DTNB: variants seen among roughly 807,000 people sequenced by gnomAD.
DTNB encodes the protein DTN-B.
In DTNB, 63 loss-of-function variants were observed where a neutral mutation model predicts 90.7. The observed-to-expected ratio is 0.69, with a 90% confidence interval of 0.57 to 0.86. The LOEUF is 0.86. Ranked by LOEUF, DTNB falls within the 40% of genes least tolerant of loss-of-function variation. The pLI, the probability that DTNB is intolerant of heterozygous loss-of-function variation, is 0.00. For missense variants in DTNB, 744 were observed against 807.1 expected (o/e 0.92, Z 0.95); for synonymous variants, 277 against 286.7 (o/e 0.97, Z 0.34).
intron 3 of DTNB, among the ~76,000 whole-genome samples, chr2:25,636,523 G>A (rs1462682663): frequency 6.6e-6 from 1 of 152,110 alleles, no homozygotes; most frequent in Admixed American, 6.5e-5. Context: ...TTGTTCTAAG[G>A]CAGTGGTTTT....
At chr2:25,627,903 A>AG (rs2074651788) in intron 4 of DTNB, among the ~76,000 whole-genome samples, 1 of 151,758 alleles carries the variant, frequency 6.6e-6, no homozygotes, top group South Asian at 2.1e-4. Flanking sequence ...CGCCCGGCTA[A>AG]TTTTTTGTAT....
chr2:25,595,134 T>C (rs1026359612), intron 6 of DTNB: 1 of 152,232 alleles, frequency 6.6e-6, no homozygotes, highest in African/African-American at 2.4e-5. Context: ...ATTCAGGTTA[T>C]GCTTTCTTGG....
intron 16 of DTNB, among the ~76,000 whole-genome samples, chr2:25,398,519 C>G (rs938720481): frequency 2.0e-5 from 3 of 152,324 alleles, no homozygotes; most frequent in Admixed American, 2.0e-4. Context: ...CACCAATATG[C>G]ATGGGCTTTC....
At chr2:25,379,605 A>G in intron 19 of DTNB, 1 of 367,828 alleles carries the variant, frequency 2.7e-6, no homozygotes, top group South Asian at 1.5e-4. Flanking sequence ...GGGAGCAGTT[A>G]CATGAGGGGG....
intron 8 of DTNB, among the ~76,000 whole-genome samples, chr2:25,542,046 T>A (rs1172712299): frequency 2.0e-5 from 3 of 152,130 alleles, no homozygotes; most frequent in Admixed American, 6.5e-5. Flanking sequence ...GTTAAGGGAG[T>A]TTCTCCTACC....
intron 9 of DTNB, among the ~76,000 whole-genome samples, chr2:25,492,078 A>ATTT (rs1269869415): frequency 3.9e-5 from 6 of 152,224 alleles, no homozygotes; most frequent in Non-Finnish European, 1.5e-5. Flanking sequence ...ACTTAAGGAT[A>ATTT]TTTACTCTAT....
intron 10 of DTNB, among the ~76,000 whole-genome samples, chr2:25,461,866 G>T (rs2061000994): frequency 1.3e-5 from 2 of 152,208 alleles, no homozygotes; most frequent in South Asian, 4.1e-4. Flanking sequence ...CAATCAGGGA[G>T]ATCAGCAAAA....
intron 13 of DTNB, 67 bp from the exon 14 acceptor site, chr2:25,433,066 T>G: frequency 6.9e-7 from 1 of 1,447,018 alleles, no homozygotes; most frequent in South Asian, 1.4e-5. Context: ...TCTTTCCCTA[T>G]TACAACTTTT....
At chr2:25,558,606 C>T (rs1384345605) in intron 8 of DTNB, among the ~76,000 whole-genome samples, 1 of 152,210 alleles carries the variant, frequency 6.6e-6, no homozygotes, top group African/African-American at 2.4e-5. Context: ...TCATAAACTA[C>T]ACACCAATTC....
intron 8 of DTNB, among the ~76,000 whole-genome samples, chr2:25,571,342 A>G (rs769576988): frequency 6.6e-6 from 1 of 152,122 alleles, no homozygotes; most frequent in Non-Finnish European, 1.5e-5. Context: ...AATATAAATC[A>G]TATCATGTTA....
chr2:25,434,397 G>GTT (rs1172619901), intron 12 of DTNB, among the ~76,000 whole-genome samples: 2 of 101,366 alleles, frequency 2.0e-5, no homozygotes, highest in African/African-American at 4.7e-5. Flanking sequence ...CCATGAACTA[G>GTT]TCTTTTTTTT....
At chr2:25,398,943 T>A (rs776490842) in intron 16 of DTNB, among the ~76,000 whole-genome samples, 2 of 152,206 alleles carry the variant, frequency 1.3e-5, no homozygotes, top group Admixed American at 6.5e-5. Flanking sequence ...GACAATGAAG[T>A]GCATCACATT....
chr2:25,388,090 G>A, intron 17 of DTNB, 112 bp downstream of exon 17: 2 of 1,484,578 alleles, frequency 1.3e-6, no homozygotes, highest in South Asian at 2.6e-5. Context: ...GTCAAAATCT[G>A]ATCATTCCAA....
At chr2:25,428,617 G>C (rs1030366230) in intron 14 of DTNB, among the ~76,000 whole-genome samples, 2 of 151,926 alleles carry the variant, frequency 1.3e-5, no homozygotes, top group Non-Finnish European at 2.9e-5. Flanking sequence ...ATTTTTAGTA[G>C]AGATGGAGTT....
intron 1 of DTNB, among the ~76,000 whole-genome samples, chr2:25,654,687 AT>A (rs2081709044): frequency 6.6e-6 from 1 of 152,246 alleles, no homozygotes; most frequent in Non-Finnish European, 1.5e-5. Context: ...CATTTGTCAA[AT>A]GGACATAATG....
intron 14 of DTNB, among the ~76,000 whole-genome samples, chr2:25,430,162 CATTAT>C (rs1039218732): frequency 4.0e-5 from 6 of 151,778 alleles, no homozygotes; most frequent in Non-Finnish European, 7.4e-5. Context: ...TGTATACATA[CATTAT>C]ATTATATATA....
At chr2:25,672,471 G>A (rs2086237697) in intron 1 of DTNB, among the ~76,000 whole-genome samples, 1 of 152,038 alleles carries the variant, frequency 6.6e-6, no homozygotes, top group Non-Finnish European at 1.5e-5. Flanking sequence ...CTTTCCAAAC[G>A]TCTTTTTTCC....
chr2:25,565,000 GTTTT>G (rs1298796387), intron 8 of DTNB, among the ~76,000 whole-genome samples: 1 of 152,038 alleles, frequency 6.6e-6, no homozygotes. Flanking sequence ...ATCTATAATG[GTTTT>G]TTGTGTGTGT....
chr2:25,409,886 G>A (rs998560533), intron 16 of DTNB, among the ~76,000 whole-genome samples: 6 of 152,108 alleles, frequency 3.9e-5, no homozygotes, highest in East Asian at 1.9e-4. Flanking sequence ...TTTCAGTTGC[G>A]CATGTCCAAA....
Sources: gnomAD v4.1 joint callset for allele counts (sites outside exome capture counted in the v4.1 genomes callset) on GRCh38, gnomAD v4.1.1 for gene constraint, MANE v1.5 for transcripts, NCBI Gene and HGNC (gene_info 2026-07-23, HGNC 2026-07-21) for gene names.